The following LGSN variants were observed in gnomAD, a reference collection of about 807,000 sequenced individuals.
The protein encoded by LGSN is lengsin, lens protein with glutamine synthetase domain.
A neutral mutation model predicts 19.5 loss-of-function variants in LGSN; 21 were observed. The ratio of observed to expected loss-of-function variants is 1.07; its 90% CI spans 0.76 to 1.55. The LOEUF (loss-of-function observed/expected upper bound fraction) is 1.55. Among genes scored for constraint, LGSN ranks in the 40% most tolerant of loss-of-function variants. LGSN has a pLI of 0.00. For missense variants in LGSN, 673 were observed against 608.5 expected, an observed-to-expected ratio of 1.11 and a Z score of -1.12; for synonymous variants, 257 against 215.6, an observed-to-expected ratio of 1.19 and a Z score of -1.68.
At chr6:63,289,334 T>A (rs1767678103) in intron 2 of LGSN, among the ~76,000 whole-genome samples, 3 of 152,362 alleles carry the variant, frequency 2.0e-5, no homozygotes, top group African/African-American at 7.2e-5. Context: ...CAATCCCATT[T>A]CATTTTCAAG....
chr6:63,287,701 G>T (rs960436256), intron 2 of LGSN, among the ~76,000 whole-genome samples: 2 of 151,904 alleles, frequency 1.3e-5, no homozygotes, highest in Non-Finnish European at 2.9e-5. Flanking sequence ...AAGAGGGACT[G>T]TCTTAACCAA....
chr6:63,437,798 T>C, the LGSN span, among the ~76,000 whole-genome samples: 3 of 151,954 alleles, frequency 2.0e-5, no homozygotes, highest in Non-Finnish European at 4.4e-5. Context: ...GGTGTGGTGG[T>C]GGGCACCTGT....
At chr6:63,457,958 G>A in the LGSN span, among the ~76,000 whole-genome samples, 111 of 152,092 alleles carry the variant, frequency 7.3e-4, no homozygotes, top group African/African-American at 2.6e-3. Context: ...CCATCTACAA[G>A]GCACTAGGTT....
chr6:63,369,414 G>A, the LGSN span, among the ~76,000 whole-genome samples: 3 of 152,144 alleles, frequency 2.0e-5, no homozygotes, highest in East Asian at 5.8e-4. Flanking sequence ...GTAAAATAAC[G>A]TCGTTCATGT....
chr6:63,568,934 A>C, the LGSN span, among the ~76,000 whole-genome samples: 2 of 151,972 alleles, frequency 1.3e-5, no homozygotes, highest in Non-Finnish European at 2.9e-5. Context: ...CCTCTATTAC[A>C]TATATTTGCT....
chr6:63,507,851 A>G, the LGSN span, among the ~76,000 whole-genome samples: 1 of 152,084 alleles, frequency 6.6e-6, no homozygotes, highest in Admixed American at 6.6e-5. Context: ...TGAATTATGC[A>G]TTTTTGTATA....
chr6:63,387,704 A>AT, the LGSN span, among the ~76,000 whole-genome samples: 1,280 of 146,488 alleles, frequency 8.7e-3, 16 homozygotes, highest in African/African-American at 0.024. Flanking sequence ...TTGATCAATA[A>AT]TTTTTTTTTT....
the LGSN span, among the ~76,000 whole-genome samples, chr6:63,500,018 T>C: frequency 6.6e-6 from 1 of 152,156 alleles, no homozygotes; most frequent in Non-Finnish European, 1.5e-5. Flanking sequence ...TTCTTAGACA[T>C]CTCTCTGTCT....
the LGSN span, among the ~76,000 whole-genome samples, chr6:63,476,166 A>G: frequency 6.6e-6 from 1 of 152,206 alleles, no homozygotes; most frequent in Non-Finnish European, 1.5e-5. Flanking sequence ...TCACTAAGCA[A>G]CAAAATCATT....
intron 1 of LGSN, among the ~76,000 whole-genome samples, chr6:63,316,609 A>G (rs1424120040): frequency 6.6e-6 from 1 of 152,160 alleles, no homozygotes; most frequent in East Asian, 1.9e-4. Flanking sequence ...AGAATTCTCC[A>G]TATTTTTTAG....
At chr6:63,452,412 C>A in the LGSN span, among the ~76,000 whole-genome samples, 1 of 152,114 alleles carries the variant, frequency 6.6e-6, no homozygotes, top group African/African-American at 2.4e-5. Flanking sequence ...CCACACCCAG[C>A]AACCTGGGGT....
intron 1 of LGSN, among the ~76,000 whole-genome samples, chr6:63,310,665 G>A (rs1768591451): frequency 6.6e-6 from 1 of 152,068 alleles, no homozygotes; most frequent in Non-Finnish European, 1.5e-5. Flanking sequence ...TGAGGGTCCT[G>A]GAAGATAAAC....
At chr6:63,391,326 A>T in the LGSN span, among the ~76,000 whole-genome samples, 1 of 152,224 alleles carries the variant, frequency 6.6e-6, no homozygotes, top group Non-Finnish European at 1.5e-5. Context: ...TGTCTTAGCA[A>T]CTACTCAGCC....
At chr6:63,504,395 C>G in the LGSN span, among the ~76,000 whole-genome samples, 1 of 152,142 alleles carries the variant, frequency 6.6e-6, no homozygotes, top group Non-Finnish European at 1.5e-5. Flanking sequence ...GTGCCCACCA[C>G]CACGCCCAGC....
the LGSN span, among the ~76,000 whole-genome samples, chr6:63,430,640 G>A: frequency 2.6e-5 from 4 of 152,000 alleles, no homozygotes; most frequent in South Asian, 2.1e-4. Context: ...CGCTTGCCAC[G>A]GCCTCTGAAA....
chr6:63,543,443 T>C, the LGSN span, among the ~76,000 whole-genome samples: 1 of 152,252 alleles, frequency 6.6e-6, no homozygotes, highest in African/African-American at 2.4e-5. Context: ...AAAGTGTAAA[T>C]TATAAGCTCT....
At chr6:63,411,226 C>T in the LGSN span, among the ~76,000 whole-genome samples, 3 of 152,154 alleles carry the variant, frequency 2.0e-5, no homozygotes, top group Non-Finnish European at 1.5e-5. Flanking sequence ...GGAATTTTCC[C>T]AAGCACCAGG....
the LGSN span, among the ~76,000 whole-genome samples, chr6:63,462,737 G>T: frequency 6.6e-6 from 1 of 152,102 alleles, no homozygotes; most frequent in Non-Finnish European, 1.5e-5. Context: ...TACCTCTACA[G>T]CGTACTTGCC....
chr6:63,393,948 A>G, the LGSN span, among the ~76,000 whole-genome samples: 2 of 152,292 alleles, frequency 1.3e-5, no homozygotes, highest in African/African-American at 4.8e-5. Flanking sequence ...TCTGCAAAAG[A>G]TACAGGTCAC....
Sources: gnomAD v4.1 joint callset for allele counts (sites outside exome capture counted in the v4.1 genomes callset) on GRCh38, gnomAD v4.1.1 for gene constraint, MANE v1.5 for transcripts, NCBI Gene and HGNC (gene_info 2026-07-23, HGNC 2026-07-21) for gene names.